Variants in PPARD observed in about 807,000 individuals in gnomAD.
PPARD encodes the protein peroxisome proliferator-activated receptor delta.
Under a neutral mutation model 39.5 loss-of-function variants are expected in PPARD, and 6 were observed. The ratio of observed to expected loss-of-function variants is 0.15; its 90% confidence interval spans 0.08 to 0.30. The LOEUF (loss-of-function observed/expected upper bound fraction) is 0.30, where lower values mean the gene tolerates loss of function less well. PPARD is among the 10% of genes least tolerant of loss of function. The pLI is 1.00. For synonymous variants in PPARD, 210 were observed against 231.3 expected, an observed-to-expected ratio of 0.91 and a Z score of 0.83; for missense variants, 397 against 596.8, an observed-to-expected ratio of 0.67 and a Z score of 3.49.
chr6:35,423,591 T>A (rs1766354770), intron 5 of PPARD, among the ~76,000 whole-genome samples: 1 of 151,920 alleles, frequency 6.6e-6, no homozygotes, highest in African/African-American at 2.4e-5. Context: ...GTCACAAAGC[T>A]AGTAAACTGC....
At chr6:35,385,269 CTT>C (rs1311105863) in intron 2 of PPARD, among the ~76,000 whole-genome samples, 1 of 150,220 alleles carries the variant, frequency 6.7e-6, no homozygotes, top group Non-Finnish European at 1.5e-5. Flanking sequence ...ACATGGGAGA[CTT>C]TTCATTTTGT....
intron 4 of PPARD, among the ~76,000 whole-genome samples, chr6:35,421,363 G>A (rs1039791974): frequency 1.9e-4 from 28 of 151,156 alleles, no homozygotes; most frequent in Non-Finnish European, 2.5e-4. Flanking sequence ...TTGAGATGGA[G>A]TTTCACTCTT....
intron 2 of PPARD, among the ~76,000 whole-genome samples, chr6:35,393,377 TCTC>T (rs1764129169): frequency 6.6e-6 from 1 of 152,148 alleles, no homozygotes; most frequent in South Asian, 2.1e-4. Context: ...GTCCCTTCTC[TCTC>T]CTGCTAGGTG....
At chr6:35,352,709 G>A (rs1046058543) in intron 2 of PPARD, among the ~76,000 whole-genome samples, 11 of 152,178 alleles carry the variant, frequency 7.2e-5, no homozygotes, top group Non-Finnish European at 1.3e-4. Context: ...GGGTGTCCAC[G>A]CTGGCTTAGG....
At chr6:35,383,657 T>A (rs1262551861) in intron 2 of PPARD, among the ~76,000 whole-genome samples, 1 of 133,452 alleles carries the variant, frequency 7.5e-6, no homozygotes, top group Admixed American at 6.9e-5. Flanking sequence ...TCGTCTGAGA[T>A]GTGGGGAGCG....
Position 35,384,465 on chromosome 6 carries a change from G to A in PPARD, c.-101-26522G>A, listed in dbSNP as rs1485312557. 6.3e-5 allele frequency among the ~76,000 whole-genome samples: 7 copies of A among 111,200 alleles called. No individual in the cohort carries two copies. The East Asian group carries it at 7.9e-4, about 13-fold the overall frequency. 73.0% of individuals were successfully genotyped at this position (111,200 alleles called of 152,430 possible). A position where few individuals can be genotyped will look rare whatever the true frequency, so the allele number is the denominator to read the frequency against. On this transcript the variant is annotated intron_variant, in intron 2 of 7. Transcript: ENST00000360694. The stretch of plus-strand genomic sequence containing the variant: ...GGGTCAGCCCCCCGCCCGGCCAGCC[G>A]CCCCGTCCGGGAGGGAGGTGGGGGG...
chr6:35,403,066 C>A (rs1370427437), intron 2 of PPARD, among the ~76,000 whole-genome samples: 1 of 152,162 alleles, frequency 6.6e-6, no homozygotes, highest in African/African-American at 2.4e-5. Flanking sequence ...AAAAAAGAAG[C>A]ATGTGCCCAG....
At chr6:35,414,672 TG>T (rs1373840804) in intron 3 of PPARD, among the ~76,000 whole-genome samples, 2 of 152,144 alleles carry the variant, frequency 1.3e-5, no homozygotes, top group Non-Finnish European at 2.9e-5. Context: ...TGAGAGTCAG[TG>T]GGGGTATGTG....
In PPARD at chr6:35,425,859, G is replaced by C. The variant is rs772150465; in HGVS notation, c.1106G>C (p.Arg369Pro). The C allele has an allele frequency of 6.2e-7, 1 of 1,614,026 alleles. No individual in the cohort carries two copies. Among genetic ancestry groups the C allele is most frequent in the Non-Finnish European group, 8.5e-7 (1 of 1,180,006 alleles). ...CGGCCAGGCCTCATGAACGTTCCAC[G>C]GGTGGAGGCTATCCAGGACACCATC... Reference protein sequence around the residue: ...GDRPGLMNVPRVEAIQDTILR... With the variant: ...GDRPGLMNVPPVEAIQDTILR... Residue 369 changes from arginine (R) to proline (P), a missense_variant, in exon 8 of 8, where the codon CGG becomes CCG. Physicochemically the swap from Arg to Pro is moderately radical, Grantham distance 103. Transcript: ENST00000360694. This position sits in a 1 kb window ranked among gnomAD's most constrained non-coding sequence, Gnocchi z 4.5.
intron 2 of PPARD, among the ~76,000 whole-genome samples, chr6:35,399,399 C>CAAAA (rs10539871): frequency 2.1e-5 from 2 of 95,512 alleles, no homozygotes; most frequent in South Asian, 3.5e-4. Context: ...GACTCTGTCT[C>CAAAA]AAAAAAAAAA....
chr6:35,342,771 G>T (rs1413681576), intron 1 of PPARD, 90 bp downstream of exon 1: 1 of 152,390 alleles, frequency 6.6e-6, no homozygotes, highest in Admixed American at 6.5e-5. Context: ...GGGGCGCAAG[G>T]CCCGGCGGCG....
rs1323833803 is a variant in PPARD, at chr6:35,394,773, C to T, written c.-101-16214C>T. 2.7e-5 allele frequency among the ~76,000 whole-genome samples: 4 copies of T among 148,938 alleles called. No homozygotes were observed. In the South Asian group the frequency reaches 6.4e-4, roughly 24 times the overall value. On this transcript the variant is annotated intron_variant, in intron 2 of 7. Transcript: ENST00000360694. ...GTGACAGAGTGAGACCCTGTCTCCC[C>T]GCCCCCCCCACCAAAAAAAAAAAAA...
At position 35,412,610 on chromosome 6, in the gene PPARD, C is replaced by T. The variant is rs1333718118; in HGVS notation, c.130+1393C>T. 2.0e-5 allele frequency among the ~76,000 whole-genome samples: 3 copies of T among 152,202 alleles called. No individual in the cohort carries two copies. The highest frequency in any genetic ancestry group is 4.8e-5 in the African/African-American group (2 of 41,442). On this transcript the variant is annotated intron_variant, in intron 3 of 7. Transcript: ENST00000360694. This position sits in a 1 kb window ranked among gnomAD's most constrained non-coding sequence, Gnocchi z 4.1. ...GCCACACCACCTTGAACCTGCAAAG[C>T]AAGTCCCAGAATTTTGCAGAAGTTC...
chr6:35,375,815 A>T (rs1183347694), intron 2 of PPARD, among the ~76,000 whole-genome samples: 3 of 152,180 alleles, frequency 2.0e-5, no homozygotes, highest in Non-Finnish European at 1.5e-5. Flanking sequence ...GGCCTCCAAA[A>T]GTGCTGGGAT....
intron 2 of PPARD, among the ~76,000 whole-genome samples, chr6:35,375,293 G>A (rs1247380587): frequency 7.8e-6 from 1 of 127,540 alleles, no homozygotes; most frequent in Non-Finnish European, 1.6e-5. Context: ...TCTCAGCTCA[G>A]CGCAACCTCT....
chr6:35,420,329 T>G (rs1162679009), intron 4 of PPARD, 48 bp downstream of exon 4: 2 of 1,515,944 alleles, frequency 1.3e-6, no homozygotes, highest in Non-Finnish European at 1.8e-6. Flanking sequence ...TGTGGTCACA[T>G]GGTGAATTGA....
intron 2 of PPARD, among the ~76,000 whole-genome samples, chr6:35,388,436 G>T (rs9658097): frequency 6.6e-6 from 1 of 152,310 alleles, no homozygotes; most frequent in South Asian, 2.1e-4. Flanking sequence ...AGGGGAGGCC[G>T]GGTGTAGTGG....
Position 35,427,114 on chromosome 6 carries a change from C to G in PPARD, c.*1035C>G, listed in dbSNP as rs1275074475. On this transcript the variant is annotated 3_prime_UTR_variant, in exon 8 of 8. Coordinates refer to ENST00000360694, the MANE Select transcript of PPARD (RefSeq NM_006238.5). ...GCCAGCACTCCCACTGCCCCCCTGC[C>G]CAGTAGCAGCCGCCCACATTGTGTC... 1 of 153,506 alleles carries G rather than the reference C, an allele frequency of 6.5e-6. No homozygotes were observed. The highest frequency in any genetic ancestry group is 2.4e-5 in the African/African-American group (1 of 41,456). The allele number at this position is 153,506 out of a possible 1,614,324, so 9.5% of individuals were successfully genotyped here.
At chr6:35,397,055 G>A (rs1486505070) in intron 2 of PPARD, among the ~76,000 whole-genome samples, 1 of 152,096 alleles carries the variant, frequency 6.6e-6, no homozygotes, top group East Asian at 1.9e-4. Context: ...TCAGGACTCA[G>A]CTGCCCTTCA....
Sources: allele counts gnomAD v4.1 joint callset (sites outside exome capture counted in the v4.1 genomes callset), GRCh38; gene constraint gnomAD v4.1.1; non-coding constraint Gnocchi (gnomAD v3.1); transcripts MANE v1.5; gene names NCBI Gene and HGNC (gene_info 2026-07-23, HGNC 2026-07-21).